LMO7: variants seen among roughly 807,000 people sequenced by gnomAD.
LMO7 encodes LIM domain 7, also known as LIM domain only protein 7.
A neutral mutation model predicts 206.5 loss-of-function variants in LMO7; 120 were observed. The ratio of observed to expected loss-of-function variants is 0.58; its 90% CI spans 0.50 to 0.68. The LOEUF is 0.68. Ranked by LOEUF, LMO7 falls within the 30% of genes least tolerant of loss-of-function variation. The pLI is 0.00. For missense variants in LMO7, 1,959 were observed against 1,957.9 expected (o/e 1.00, Z -0.01); for synonymous variants, 706 against 681.5 (o/e 1.04, Z -0.56).
At position 75,766,394 on chromosome 13, in the gene LMO7, G is replaced by A. The variant is rs148145086; in HGVS notation, c.317+5356G>A. Among the ~76,000 whole-genome samples, 284 of 152,154 alleles carry A rather than the reference G, an allele frequency of 1.9e-3. 2 individuals are homozygous for A. The highest frequency in any genetic ancestry group is 2.1e-3 in the Non-Finnish European group (143 of 67,988). On this transcript the variant is annotated intron_variant, in intron 4 of 30. Transcript: ENST00000377534. ...ATGTATGCTTAAATCTATTTCTGGA[G>A]CTACAGAGTAGAAAATGGCACTTCA...
intron 1 of LMO7, among the ~76,000 whole-genome samples, chr13:75,671,512 T>A (rs1334842231): frequency 6.6e-6 from 1 of 152,136 alleles, no homozygotes; most frequent in East Asian, 1.9e-4. Context: ...TTATCCGGCG[T>A]GTGATTACTT....
In LMO7 at chr13:75,842,833, T is replaced by A. The variant is rs1184135872; in HGVS notation, c.4032-18T>A. The A allele has an allele frequency of 2.6e-6, 4 of 1,535,780 alleles. No individual in the cohort carries two copies. The East Asian group carries it at 9.0e-5, about 35-fold the overall frequency. On this transcript the variant is annotated intron_variant, in intron 24 of 30. Transcript: ENST00000377534. ...AAAGTCTAATATTTTGACAACAAAA[T>A]CTTTTTCTATCTTTTAGGCCTGTTG...
intron 1 of LMO7, among the ~76,000 whole-genome samples, chr13:75,703,872 A>G (rs2042463583): frequency 1.3e-5 from 2 of 152,184 alleles, no homozygotes; most frequent in African/African-American, 4.8e-5. Flanking sequence ...TATTCCATTT[A>G]AATTATGTTC....
chr13:75,668,830 T>C (rs1348537432), intron 1 of LMO7, among the ~76,000 whole-genome samples: 2 of 152,146 alleles, frequency 1.3e-5, no homozygotes, highest in African/African-American at 2.4e-5. Context: ...GACAGGGAGC[T>C]AAGGGGGATG....
upstream of LMO7, chr13:75,631,625 G>A (rs1459901311): frequency 6.6e-6 from 1 of 152,338 alleles, no homozygotes; most frequent in Non-Finnish European, 1.5e-5. Flanking sequence ...AGGCCTATCA[G>A]TGTTGTCCCA....
At chr13:75,721,940 A>G (rs558088830) in intron 2 of LMO7, among the ~76,000 whole-genome samples, 5 of 152,348 alleles carry the variant, frequency 3.3e-5, no homozygotes, top group Non-Finnish European at 7.4e-5. Context: ...AAAGCAAACA[A>G]AAACATAAAG....
chr13:75,816,831 A>G (rs1272653254), intron 11 of LMO7: 5 of 173,006 alleles, frequency 2.9e-5, no homozygotes, highest in Non-Finnish European at 6.1e-5. Context: ...ATTTTTTCCT[A>G]AAGTAATCCT....
rs76330686 is a variant in LMO7, at chr13:75,812,486, A to G, written c.1946+3303A>G. Among the ~76,000 whole-genome samples, 658 of 151,258 alleles carry G rather than the reference A, an allele frequency of 4.4e-3. 7 individuals are homozygous for G. The highest frequency in any genetic ancestry group is 0.015 in the African/African-American group (615 of 41,498). On this transcript the variant is annotated intron_variant, in intron 11 of 30. Transcript: ENST00000377534. ...TTCTGTTTGCCGTATAAGGCTATCC[A>G]TGATTTTATATTTGAGAAAATTTGC... is the stretch of plus-strand genomic sequence containing the variant.
intron 1 of LMO7, among the ~76,000 whole-genome samples, chr13:75,711,676 A>G (rs1271675088): frequency 1.3e-5 from 2 of 152,238 alleles, no homozygotes; most frequent in East Asian, 1.9e-4. Flanking sequence ...TCGGAAATGC[A>G]GAAATCACCC....
In LMO7 at chr13:75,636,436, A is replaced by C; in HGVS notation, c.-222A>C. The C allele has an allele frequency of 7.2e-7, 1 of 1,381,152 alleles. No individual in the cohort carries two copies. The highest frequency in any genetic ancestry group is 9.3e-7 in the Non-Finnish European group (1 of 1,070,732). The allele number at this position is 1,381,152 out of a possible 1,614,324, so 85.6% of individuals were successfully genotyped here. A position where few individuals can be genotyped will look rare whatever the true frequency, so the allele number is the denominator to read the frequency against. ...CCGCGGGCCTTGGGTCGCTTTCAGG[A>C]GTTTAGAGAAAGCCAGGTCTTCACG... On this transcript the variant is annotated 5_prime_UTR_variant, in exon 1 of 31. Coordinates refer to ENST00000377534, the MANE Select transcript of LMO7 (RefSeq NM_001306080.2).
intron 1 of LMO7, among the ~76,000 whole-genome samples, chr13:75,687,088 C>G (rs139338378): frequency 2.0e-5 from 3 of 152,098 alleles, no homozygotes; most frequent in African/African-American, 7.2e-5. Context: ...TGCATCCATC[C>G]TGTCAGGAAG....
chr13:75,684,346 G>A (rs910367264), intron 1 of LMO7, among the ~76,000 whole-genome samples: 1 of 152,064 alleles, frequency 6.6e-6, no homozygotes, highest in East Asian at 1.9e-4. Flanking sequence ...AGGTTCAAGC[G>A]ATTCCCTGCC....
chr13:75,725,617 T>G (rs2044405181), intron 2 of LMO7, among the ~76,000 whole-genome samples: 1 of 152,052 alleles, frequency 6.6e-6, no homozygotes, highest in African/African-American at 2.4e-5. Context: ...CCTCAGCTAG[T>G]GATTAAGAAA....
chr13:75,828,976 G>T (rs1411050662), intron 15 of LMO7, among the ~76,000 whole-genome samples: 9 of 152,146 alleles, frequency 5.9e-5, no homozygotes, highest in African/African-American at 2.2e-4. Context: ...TGTTTCTAAC[G>T]TGGGCACCTG....
At chr13:75,631,938 T>A (rs1465647804), upstream of LMO7, 1 of 152,212 alleles carries the variant, frequency 6.6e-6, no homozygotes, top group African/African-American at 2.4e-5. Flanking sequence ...AGAAGTGGAA[T>A]TGCTGGGACA....
At chr13:75,696,390 C>T (rs770886016) in intron 1 of LMO7, among the ~76,000 whole-genome samples, 2 of 151,738 alleles carry the variant, frequency 1.3e-5, no homozygotes, top group Non-Finnish European at 2.9e-5. Context: ...AACAAAAACC[C>T]GAAGCATTTA....
intron 4 of LMO7, among the ~76,000 whole-genome samples, chr13:75,763,644 A>C (rs530855): frequency 0.62 from 93,698 of 151,966 alleles, 30,085 homozygotes; most frequent in East Asian, 0.97. Flanking sequence ...GCCCAGACTG[A>C]ATCTACCGGT....
intron 5 of LMO7, 77 bp from the exon 6 acceptor site, chr13:75,796,559 G>A (rs570823937): frequency 3.2e-5 from 25 of 774,374 alleles, no homozygotes; most frequent in Non-Finnish European, 5.5e-5. Context: ...TTTATCTACA[G>A]TACTCACCTA....
At chr13:75,815,320 G>A (rs1595234853) in intron 11 of LMO7, among the ~76,000 whole-genome samples, 1 of 152,164 alleles carries the variant, frequency 6.6e-6, no homozygotes, top group African/African-American at 2.4e-5. Flanking sequence ...AAGTGGTTAT[G>A]TTCTAGATAT....
Sources: gnomAD v4.1 joint callset for allele counts (sites outside exome capture counted in the v4.1 genomes callset) on GRCh38, gnomAD v4.1.1 for gene constraint, MANE v1.5 for transcripts, NCBI Gene and HGNC (gene_info 2026-07-23, HGNC 2026-07-21) for gene names.